The following FAR2 variants were observed in gnomAD, a reference collection of about 807,000 sequenced individuals.
FAR2 encodes epididymis secretory protein Li 81.
FAR2 carries 19 observed loss-of-function variants against 56.0 expected under a neutral mutation model. The observed-to-expected ratio is 0.34, with a 90% CI of 0.24 to 0.50. FAR2 has a LOEUF of 0.50. Among genes scored for constraint, FAR2 ranks in the 20% least tolerant of loss-of-function variants. The pLI is 0.98. For synonymous variants in FAR2, 219 were observed against 218.8 expected (o/e 1.00, Z -0.01); for missense variants, 508 against 642.2 (o/e 0.79, Z 2.26).
chr12:29,318,883 T>C (rs1374224528), intron 9 of FAR2, among the ~76,000 whole-genome samples: 1 of 152,104 alleles, frequency 6.6e-6, no homozygotes, highest in Admixed American at 6.5e-5. Context: ...TTGAAGAGTA[T>C]GTGGAGTTTG....
rs540523371 is a variant in FAR2, at chr12:29,202,608, C to T, written c.-39+53201C>T. ...CGGGCCTGGTAAGAGGTGTTTGGGT[C>T]ATGGGGGCGGATCCCTCATAAATGG... On this transcript the variant is annotated intron_variant, in intron 1 of 11. Transcript: ENST00000536681. 1.0e-3 allele frequency among the ~76,000 whole-genome samples: 153 copies of T among 152,262 alleles called. 1 individual carries two copies. The highest frequency in any genetic ancestry group is 3.6e-3 in the African/African-American group (150 of 41,542).
chr12:29,270,208 C>T (rs1948591830), intron 1 of FAR2, among the ~76,000 whole-genome samples: 1 of 152,178 alleles, frequency 6.6e-6, no homozygotes, highest in South Asian at 2.1e-4. Context: ...GCTCACAGTT[C>T]CTGGCATAAA....
chr12:29,199,323 GGC>G (rs1368031059), intron 1 of FAR2, among the ~76,000 whole-genome samples: 2 of 152,210 alleles, frequency 1.3e-5, no homozygotes, highest in African/African-American at 4.8e-5. Context: ...ATCTCAGCCG[GGC>G]GCGGTGGCTC....
chr12:29,260,700 G>A (rs1353852757), intron 1 of FAR2, among the ~76,000 whole-genome samples: 3 of 152,140 alleles, frequency 2.0e-5, no homozygotes, highest in Non-Finnish European at 4.4e-5. Context: ...AAATTCTTAA[G>A]GTTCCTGTCT....
intron 1 of FAR2, among the ~76,000 whole-genome samples, chr12:29,195,797 G>A (rs557695272): frequency 5.9e-5 from 9 of 152,062 alleles, no homozygotes; most frequent in African/African-American, 2.2e-4. Flanking sequence ...GGCTTTTAGT[G>A]TAACTATCAC....
intron 1 of FAR2, among the ~76,000 whole-genome samples, chr12:29,192,245 TTAAA>T (rs1438788337): frequency 2.6e-5 from 4 of 152,252 alleles, no homozygotes; most frequent in Non-Finnish European, 5.9e-5. Context: ...TTTCCACAAA[TTAAA>T]TAAATTAAAC....
rs574708736 is a variant in FAR2, at chr12:29,322,296, T to C, written c.1257+372T>C. ...AGCATATGACTTCAATGAAAAATAA[T>C]GATTTTATTGCTTATAAACTCAATC... On this transcript the variant is annotated intron_variant, in intron 10 of 11. Transcript: ENST00000536681. Among the ~76,000 whole-genome samples, 252 of 152,334 alleles carry C rather than the reference T, an allele frequency of 1.7e-3. 8 individuals carry two copies. The highest frequency in any genetic ancestry group is 8.5e-3 in the South Asian group (41 of 4,826).
chr12:29,272,452 A>G (rs1012957841), intron 2 of FAR2, among the ~76,000 whole-genome samples: 18 of 152,224 alleles, frequency 1.2e-4, no homozygotes, highest in South Asian at 1.0e-3. Flanking sequence ...GCCTTACGAC[A>G]TTGTTGTGCT....
chr12:29,203,661 A>G (rs1439944276), intron 1 of FAR2, among the ~76,000 whole-genome samples: 1 of 152,200 alleles, frequency 6.6e-6, no homozygotes, highest in African/African-American at 2.4e-5. Flanking sequence ...ATGGTGTGTG[A>G]GAACCACCAG....
At chr12:29,169,939 G>A (rs767279974) in intron 1 of FAR2, among the ~76,000 whole-genome samples, 16 of 152,156 alleles carry the variant, frequency 1.1e-4, no homozygotes, top group Non-Finnish European at 1.6e-4. Context: ...TATGATTTCC[G>A]TAAGATTAGA....
chr12:29,248,920 G>C (rs191846595), intron 1 of FAR2, among the ~76,000 whole-genome samples: 7 of 152,354 alleles, frequency 4.6e-5, no homozygotes, highest in African/African-American at 1.4e-4. Flanking sequence ...CCGGCGGTCA[G>C]AGTTTAAGGG....
intron 1 of FAR2, among the ~76,000 whole-genome samples, chr12:29,196,999 C>T (rs1377944637): frequency 6.6e-6 from 1 of 152,148 alleles, no homozygotes; most frequent in Non-Finnish European, 1.5e-5. Flanking sequence ...ATTCTTGCCT[C>T]CAGCAGTCTA....
chr12:29,183,179 T>A (rs1223042902), intron 1 of FAR2, among the ~76,000 whole-genome samples: 1 of 152,164 alleles, frequency 6.6e-6, no homozygotes, highest in African/African-American at 2.4e-5. Context: ...GACAATACAC[T>A]CTCCTGGTTT....
At chr12:29,285,194 A>C (rs1359386358) in intron 2 of FAR2, among the ~76,000 whole-genome samples, 1 of 98,994 alleles carries the variant, frequency 1.0e-5, no homozygotes, top group Non-Finnish European at 2.1e-5. Flanking sequence ...GGGAAAAAAA[A>C]GTGTGTTCAT....
chr12:29,183,081 T>C (rs953416990), intron 1 of FAR2, among the ~76,000 whole-genome samples: 1 of 152,038 alleles, frequency 6.6e-6, no homozygotes, highest in African/African-American at 2.4e-5. Context: ...CCAATTGCAT[T>C]CCAGTCCTCA....
intron 2 of FAR2, among the ~76,000 whole-genome samples, chr12:29,286,006 G>A (rs933513941): frequency 5.3e-5 from 8 of 151,838 alleles, no homozygotes; most frequent in Non-Finnish European, 1.2e-4. Context: ...TTTGTTCTTA[G>A]AAGTATCTGG....
intron 1 of FAR2, among the ~76,000 whole-genome samples, chr12:29,189,432 T>C (rs1950080003): frequency 6.6e-6 from 1 of 152,202 alleles, no homozygotes; most frequent in Admixed American, 6.5e-5. Flanking sequence ...CACTACAAGA[T>C]GCTGTACGCT....
intron 1 of FAR2, among the ~76,000 whole-genome samples, chr12:29,157,448 A>G (rs1431585211): frequency 1.3e-5 from 2 of 152,012 alleles, no homozygotes; most frequent in Non-Finnish European, 2.9e-5. Flanking sequence ...TGAAGCCCAC[A>G]CCTGAAGGGA....
At position 29,321,925 on chromosome 12, in the gene FAR2, G is replaced by GT; in HGVS notation, c.1257+2dup. ...TGAGCTGAGTCCTGAAGACCAGAGAGTAAGTAGAGCACTGACTTAAGCACC... is the reference window on the plus strand; with the variant it reads ...TGAGCTGAGTCCTGAAGACCAGAGAGTTAAGTAGAGCACTGACTTAAGCACC... On this transcript the variant is annotated splice_donor_variant, in intron 10 of 11. Transcript: ENST00000536681. LOFTEE classifies it high-confidence loss of function. 2 of 1,611,520 alleles carry GT rather than the reference G, an allele frequency of 1.2e-6. No individual in the cohort carries two copies. Among genetic ancestry groups the GT allele is most frequent in the Non-Finnish European group, 1.7e-6 (2 of 1,178,680 alleles).
Sources: allele counts gnomAD v4.1 joint callset (sites outside exome capture counted in the v4.1 genomes callset), GRCh38; gene constraint gnomAD v4.1.1; transcripts MANE v1.5; gene names NCBI Gene and HGNC (gene_info 2026-07-23, HGNC 2026-07-21).